The following ZNF175 variants were observed in gnomAD, a reference collection of about 807,000 sequenced individuals.
The protein encoded by ZNF175 is zinc finger protein OTK18.
A neutral mutation model predicts 14.0 loss-of-function variants in ZNF175; 8 were observed. The observed-to-expected ratio is 0.57, with a 90% confidence interval of 0.34 to 1.03. ZNF175 has a LOEUF of 1.03. ZNF175 is among the 50% of genes least tolerant of loss of function. The probability of loss-of-function intolerance (pLI) is 0.03; values close to 1 mark genes in which losing one functional copy is unlikely to be tolerated. For missense variants in ZNF175, 764 were observed against 849.5 expected (o/e 0.90, Z 1.25); for synonymous variants, 255 against 296.8 (o/e 0.86, Z 1.45).
intron 3 of ZNF175, 30 bp from the exon 4 acceptor site, chr19:51,581,757 C>A (rs373701035): frequency 2.1e-4 from 335 of 1,609,880 alleles, no homozygotes; most frequent in South Asian, 7.0e-4. Context: ...AGAAGCTACA[C>A]CCAAATCCAG....
At chr19:51,576,155 T>TGG (rs1981779172) in intron 2 of ZNF175, among the ~76,000 whole-genome samples, 3 of 147,210 alleles carry the variant, frequency 2.0e-5, no homozygotes, top group African/African-American at 7.4e-5. Flanking sequence ...TTTTTTTGTT[T>TGG]TTTTTTTTTT....
intron 2 of ZNF175, among the ~76,000 whole-genome samples, chr19:51,577,805 A>G (rs1981850101): frequency 6.6e-6 from 1 of 151,930 alleles, no homozygotes; most frequent in East Asian, 2.0e-4. Flanking sequence ...CTGGGACTAA[A>G]GGCGCCCGCC....
rs1054813665 is a variant in ZNF175, at chr19:51,588,617, T to TA, written c.*156dup. 2.8e-5 allele frequency: 23 copies of TA among 827,286 alleles called. No homozygotes were observed. The highest frequency in any genetic ancestry group is 3.8e-5 in the Non-Finnish European group (22 of 578,850). The allele number at this position is 827,286 out of a possible 1,614,324, so 51.2% of individuals were successfully genotyped here. Reference sequence around the variant, plus strand: ...ATGCACTGCATGTGTGAACACATGATAAAAAAGTCATGCTTTATTTTAGTG... The same window carrying TA: ...ATGCACTGCATGTGTGAACACATGATAAAAAAAGTCATGCTTTATTTTAGTG... On this transcript the variant is annotated 3_prime_UTR_variant, in exon 5 of 5. Transcript: ENST00000262259.
chr19:51,588,607 G>T lies in ZNF175; in HGVS notation c.*140G>T. On this transcript the variant is annotated 3_prime_UTR_variant, in exon 5 of 5. Transcript: ENST00000262259. Reference sequence around the variant, plus strand: ...AACTCTAGGGATGCACTGCATGTGTGAACACATGATAAAAAAGTCATGCTT... The same window carrying T: ...AACTCTAGGGATGCACTGCATGTGTTAACACATGATAAAAAAGTCATGCTT... The T allele has an allele frequency of 3.4e-6, 3 of 882,030 alleles. No individual in the cohort carries two copies. The highest frequency in any genetic ancestry group is 3.2e-6 in the Non-Finnish European group (2 of 623,320). The allele number at this position is 882,030 out of a possible 1,614,324, so 54.6% of individuals were successfully genotyped here.
At chr19:51,581,094 G>A (rs985701409) in intron 2 of ZNF175, among the ~76,000 whole-genome samples, 5 of 151,872 alleles carry the variant, frequency 3.3e-5, no homozygotes, top group African/African-American at 7.3e-5. Flanking sequence ...CTCACATGTA[G>A]TTGCTTCGTC....
rs1376301830 is a variant in ZNF175, at chr19:51,573,320, C to T, written c.-10C>T. 1 of 1,612,802 alleles carries T rather than the reference C, an allele frequency of 6.2e-7. No individual in the cohort carries two copies. Among genetic ancestry groups the T allele is most frequent in the Non-Finnish European group, 8.5e-7 (1 of 1,179,460 alleles). ...GCAAGAGAGACCGAGAGTAGAAGCC[C>T]AGAGTGGAGATGCCTGCTGATGTGA... On this transcript the variant is annotated 5_prime_UTR_variant, in exon 2 of 5. Coordinates refer to ENST00000262259, the MANE Select transcript of ZNF175 (RefSeq NM_007147.4).
Position 51,588,972 on chromosome 19 carries a change from G to A in ZNF175, c.*505G>A, listed in dbSNP as rs1982268365. 1.2e-5 allele frequency: 4 copies of A among 342,682 alleles called. No individual in the cohort carries two copies. In the East Asian group the frequency reaches 1.8e-4, roughly 15 times the overall value. 21.2% of individuals were successfully genotyped at this position (342,682 alleles called of 1,614,324 possible). A position where few individuals can be genotyped will look rare whatever the true frequency, so the allele number is the denominator to read the frequency against. On this transcript the variant is annotated 3_prime_UTR_variant, in exon 5 of 5. Coordinates refer to ENST00000262259, the MANE Select transcript of ZNF175 (RefSeq NM_007147.4). ...AAGCATATTATTATATACAGGTTGA[G>A]TATCCCTTCTCCAAAATGCCTGGGA...
At chr19:51,571,591 C>T (rs955904506) in intron 1 of ZNF175, 116 bp downstream of exon 1, 2 of 152,202 alleles carry the variant, frequency 1.3e-5, no homozygotes, top group South Asian at 2.1e-4. Context: ...GTTAATTTTC[C>T]CTCTTTTCTT....
chr19:51,583,554 C>T (rs904431801), intron 4 of ZNF175, among the ~76,000 whole-genome samples: 1 of 152,092 alleles, frequency 6.6e-6, no homozygotes, highest in Non-Finnish European at 1.5e-5. Flanking sequence ...CCCATTTTCT[C>T]ATATTTAGAC....
At chr19:51,583,141 C>T (rs1568575443) in intron 4 of ZNF175, among the ~76,000 whole-genome samples, 1 of 152,194 alleles carries the variant, frequency 6.6e-6, no homozygotes, top group Non-Finnish European at 1.5e-5. Context: ...AGGCGTGAGC[C>T]ACCGTGCCCG....
intron 2 of ZNF175, among the ~76,000 whole-genome samples, chr19:51,579,430 A>ATT (rs76956631): frequency 6.7e-6 from 1 of 148,192 alleles, no homozygotes; most frequent in Non-Finnish European, 1.5e-5. Context: ...CCCAAAAAAA[A>ATT]TTTTTTTTTT....
intron 2 of ZNF175, among the ~76,000 whole-genome samples, chr19:51,574,775 C>T (rs1981716791): frequency 6.6e-6 from 1 of 152,202 alleles, no homozygotes. Context: ...CTTGCGTGTT[C>T]AGAACATCTT....
chr19:51,576,262 G>A (rs1366401844), intron 2 of ZNF175, among the ~76,000 whole-genome samples: 1 of 150,590 alleles, frequency 6.6e-6, no homozygotes, highest in Non-Finnish European at 1.5e-5. Flanking sequence ...CCATTCTCCT[G>A]CCTCACTCTC....
chr19:51,576,836 C>T (rs1321833662), intron 2 of ZNF175, among the ~76,000 whole-genome samples: 3 of 152,114 alleles, frequency 2.0e-5, no homozygotes, highest in African/African-American at 7.2e-5. Context: ...CCGTTACTCT[C>T]ATTTCGTGAA....
intron 1 of ZNF175, among the ~76,000 whole-genome samples, chr19:51,571,984 T>C (rs1981601764): frequency 6.6e-6 from 1 of 152,196 alleles, no homozygotes; most frequent in African/African-American, 2.4e-5. Flanking sequence ...CATTGCTTTC[T>C]AGGCAGTGAG....
intron 3 of ZNF175, 105 bp from the exon 4 acceptor site, chr19:51,581,682 A>C: frequency 6.5e-7 from 1 of 1,528,350 alleles, no homozygotes; most frequent in Non-Finnish European, 8.8e-7. Context: ...TTTTGTGCCC[A>C]GTGGAAAATG....
At position 51,592,355 on chromosome 19, in the gene ZNF175, T is replaced by G. The variant is rs1982379697; in HGVS notation, c.*3888T>G. ...ATGGGAATAATAATAGATCTCGCCT[T>G]GTGGCTCCTTTGCAGATTACATGCG... On this transcript the variant is annotated 3_prime_UTR_variant, in exon 5 of 5. Transcript: ENST00000262259. 2.8e-6 allele frequency: 1 copy of G among 360,278 alleles called. No homozygotes were observed. The highest frequency in any genetic ancestry group is 5.0e-6 in the Non-Finnish European group (1 of 201,980). The allele number at this position is 360,278 out of a possible 1,614,324, so 22.3% of individuals were successfully genotyped here.
rs2122585590 is a variant in ZNF175, at chr19:51,592,346, A to G, written c.*3879A>G. ...AGCAGCACAATGGGAATAATAATAG[A>G]TCTCGCCTTGTGGCTCCTTTGCAGA... On this transcript the variant is annotated 3_prime_UTR_variant, in exon 5 of 5. Transcript: ENST00000262259. 2.9e-6 allele frequency: 1 copy of G among 344,856 alleles called. No homozygotes were observed. Among genetic ancestry groups the G allele is most frequent in the African/African-American group, 2.1e-5 (1 of 46,872 alleles). 21.4% of individuals were successfully genotyped at this position (344,856 alleles called of 1,614,324 possible).
chr19:51,581,718 A>C (rs1389646992), intron 3 of ZNF175, 69 bp from the exon 4 acceptor site: 3 of 1,578,418 alleles, frequency 1.9e-6, no homozygotes, highest in African/African-American at 2.7e-5. Flanking sequence ...AGCCAGTGTA[A>C]AGCTTCATTG....
Sources: gnomAD v4.1 joint callset for allele counts (sites outside exome capture counted in the v4.1 genomes callset) on GRCh38, gnomAD v4.1.1 for gene constraint, MANE v1.5 for transcripts, NCBI Gene and HGNC (gene_info 2026-07-23, HGNC 2026-07-21) for gene names.